CSMD1: variants seen among roughly 807,000 people sequenced by gnomAD.
The protein encoded by CSMD1 is CUB and sushi domain-containing protein 1.
CSMD1 carries 213 observed loss-of-function variants against 417.5 expected under a neutral mutation model. That is an observed-to-expected ratio of 0.51 (90% confidence interval 0.46 to 0.57). The LOEUF is 0.57. Among genes scored for constraint, CSMD1 ranks in the 20% least tolerant of loss-of-function variants. The pLI is 0.00. For missense variants in CSMD1, 6,923 were observed against 4,529.7 expected (o/e 1.53, Z -15.17); for synonymous variants, 2,862 against 1,736.8 (o/e 1.65, Z -16.11).
intron 1 of CSMD1, among the ~76,000 whole-genome samples, chr8:4,789,986 G>A (rs754594402): frequency 2.6e-5 from 4 of 152,168 alleles, no homozygotes; most frequent in Non-Finnish European, 5.9e-5. Flanking sequence ...TTCCCTTCAT[G>A]TGCAACTCAA....
At chr8:3,555,701 T>C (rs1799113841) in intron 10 of CSMD1, among the ~76,000 whole-genome samples, 1 of 152,200 alleles carries the variant, frequency 6.6e-6, no homozygotes, top group Non-Finnish European at 1.5e-5. Context: ...AAAAATAAAA[T>C]ATGTGTCTAT....
chr8:4,732,344 C>CGTGTGTGTGT (rs750818272), intron 1 of CSMD1, among the ~76,000 whole-genome samples: 1,960 of 141,088 alleles, frequency 0.014, 31 homozygotes, highest in East Asian at 0.022. Flanking sequence ...ATTTCTTCTG[C>CGTGTGTGTGT]GTGTGTGTGT....
At chr8:3,517,003 G>T (rs1334215666) in intron 10 of CSMD1, among the ~76,000 whole-genome samples, 1 of 152,174 alleles carries the variant, frequency 6.6e-6, no homozygotes, top group Non-Finnish European at 1.5e-5. Flanking sequence ...CAGGGCACTG[G>T]TTAGGTGTCA....
chr8:3,126,606 T>A (rs949735083), intron 41 of CSMD1, among the ~76,000 whole-genome samples: 1 of 152,158 alleles, frequency 6.6e-6, no homozygotes, highest in Non-Finnish European at 1.5e-5. Context: ...GCTCACCAAT[T>A]TCCCATATCT....
chr8:4,457,177 T>A (rs959101236), intron 2 of CSMD1, among the ~76,000 whole-genome samples: 2 of 152,044 alleles, frequency 1.3e-5, no homozygotes, highest in African/African-American at 4.8e-5. Context: ...CGGACCTAGA[T>A]GTGAAATGTG....
chr8:4,982,823 TGAC>T (rs1810972523), intron 1 of CSMD1, among the ~76,000 whole-genome samples: 1 of 152,222 alleles, frequency 6.6e-6, no homozygotes, highest in Non-Finnish European at 1.5e-5. Context: ...TTCAACACCC[TGAC>T]GACATGCCCC....
At chr8:4,111,468 G>A (rs143468667) in intron 3 of CSMD1, among the ~76,000 whole-genome samples, 333 of 152,192 alleles carry the variant, frequency 2.2e-3, no homozygotes, top group African/African-American at 7.4e-3. Context: ...GCACATGCAC[G>A]AGTATGTTCA....
At chr8:3,226,218 T>C (rs1197247002) in intron 27 of CSMD1, among the ~76,000 whole-genome samples, 1 of 152,124 alleles carries the variant, frequency 6.6e-6, no homozygotes, top group African/African-American at 2.4e-5. Context: ...GTTTTGCAAT[T>C]TGGACTTGGG....
intron 39 of CSMD1, among the ~76,000 whole-genome samples, chr8:3,155,214 T>G (rs568359672): frequency 1.3e-5 from 2 of 152,050 alleles, no homozygotes; most frequent in Non-Finnish European, 2.9e-5. Flanking sequence ...ATTGTGAAGT[T>G]TAAAAAATTT....
chr8:3,901,092 C>A (rs1394312789), intron 5 of CSMD1, among the ~76,000 whole-genome samples: 1 of 152,040 alleles, frequency 6.6e-6, no homozygotes, highest in Non-Finnish European at 1.5e-5. Context: ...AACCTGGAGT[C>A]CAAGGTTAAT....
At chr8:3,653,708 G>A (rs1319429874) in intron 7 of CSMD1, among the ~76,000 whole-genome samples, 1 of 152,172 alleles carries the variant, frequency 6.6e-6, no homozygotes, top group South Asian at 2.1e-4. Context: ...AGCCTCCTTT[G>A]AGGAATGAGG....
chr8:3,218,815 C>G (rs912249515), intron 29 of CSMD1, among the ~76,000 whole-genome samples: 1 of 151,618 alleles, frequency 6.6e-6, no homozygotes. Context: ...GAGGTTGCAG[C>G]GAGCTGACAT....
Position 3,085,869 on chromosome 8 carries a change from C to G in CSMD1, c.7474+1228G>C, listed in dbSNP as rs566936575. ...CCGAATCCCTTTGGGACATGAAGGT[C>G]CCTCTCCGGACCCCTTTGTGCTTAG... On this transcript the variant is annotated intron_variant, in intron 49 of 69. Coordinates refer to ENST00000635120, the MANE Select transcript of CSMD1 (RefSeq NM_033225.6). 2.0e-4 allele frequency among the ~76,000 whole-genome samples: 31 copies of G among 152,290 alleles called. No homozygotes were observed. The South Asian group carries it at 6.2e-3, about 31-fold the overall frequency.
At chr8:3,972,548 C>T (rs1712971062) in intron 5 of CSMD1, among the ~76,000 whole-genome samples, 2 of 152,170 alleles carry the variant, frequency 1.3e-5, no homozygotes, top group Admixed American at 6.5e-5. Context: ...CGTGTGACCA[C>T]ATATTGCTCA....
chr8:3,165,289 T>A (rs1820136669), intron 37 of CSMD1, among the ~76,000 whole-genome samples: 1 of 152,114 alleles, frequency 6.6e-6, no homozygotes, highest in Non-Finnish European at 1.5e-5. Flanking sequence ...ACAAAGTGCA[T>A]AAGCGATTGA....
intron 3 of CSMD1, among the ~76,000 whole-genome samples, chr8:4,208,191 C>G (rs1013892158): frequency 6.6e-6 from 1 of 152,146 alleles, no homozygotes; most frequent in Non-Finnish European, 1.5e-5. Flanking sequence ...AAAATAGACT[C>G]AGCTATGGAA....
At chr8:3,136,687 C>T (rs1818117521) in intron 41 of CSMD1, among the ~76,000 whole-genome samples, 1 of 152,148 alleles carries the variant, frequency 6.6e-6, no homozygotes, top group African/African-American at 2.4e-5. Context: ...GAGCTGTTTG[C>T]ACACATGGGT....
rs113739764 is a variant in CSMD1, at chr8:3,554,275, T to G, written c.1344+20670A>C. On this transcript the variant is annotated intron_variant, in intron 10 of 69. Coordinates refer to ENST00000635120, the MANE Select transcript of CSMD1 (RefSeq NM_033225.6). ...GATGAGAAAACACATTTGGAAGTGG[T>G]AGGGAATATCTTAAATGGGTCCAGA... Among the ~76,000 whole-genome samples the G allele has an allele frequency of 4.7e-3, 712 of 152,250 alleles. 8 individuals carry two copies. Among genetic ancestry groups the G allele is most frequent in the African/African-American group, 0.016 (683 of 41,538 alleles).
intron 2 of CSMD1, among the ~76,000 whole-genome samples, chr8:4,596,400 A>G (rs1388951136): frequency 6.6e-6 from 1 of 152,214 alleles, no homozygotes; most frequent in East Asian, 1.9e-4. Context: ...CTGAATCGTC[A>G]AAGACAATTT....
Sources: gnomAD v4.1 joint callset for allele counts (sites outside exome capture counted in the v4.1 genomes callset) on GRCh38, gnomAD v4.1.1 for gene constraint, MANE v1.5 for transcripts, NCBI Gene and HGNC (gene_info 2026-07-23, HGNC 2026-07-21) for gene names.